The following RABGAP1L variants were observed in gnomAD, a reference collection of about 807,000 sequenced individuals.
The protein encoded by RABGAP1L is RAB GTPase activating protein 1 like.
In RABGAP1L, 63 loss-of-function variants were observed where a neutral mutation model predicts 137.7. The ratio of observed to expected loss-of-function variants is 0.46; its 90% CI spans 0.37 to 0.56. RABGAP1L has a LOEUF of 0.56. Among genes scored for constraint, RABGAP1L ranks in the 20% least tolerant of loss-of-function variants. The probability of loss-of-function intolerance (pLI) is 0.00; values close to 1 mark genes in which losing one functional copy is unlikely to be tolerated. For missense variants in RABGAP1L, 1,095 were observed against 1,244.0 expected (o/e 0.88, Z 1.80); for synonymous variants, 431 against 433.7 (o/e 0.99, Z 0.08).
At chr1:174,239,760 AAT>A (rs1256380973) in intron 4 of RABGAP1L, among the ~76,000 whole-genome samples, 1 of 152,200 alleles carries the variant, frequency 6.6e-6, no homozygotes, top group Non-Finnish European at 1.5e-5. Flanking sequence ...TGAATGAACA[AAT>A]AAGCAGACCA....
At chr1:174,717,305 G>C (rs1043381546) in intron 17 of RABGAP1L, among the ~76,000 whole-genome samples, 1 of 152,096 alleles carries the variant, frequency 6.6e-6, no homozygotes, top group African/African-American at 2.4e-5. Context: ...AGTTACTCAG[G>C]AGGCTGAGGC....
chr1:174,826,654 G>T (rs757798542), intron 19 of RABGAP1L, among the ~76,000 whole-genome samples: 1 of 152,148 alleles, frequency 6.6e-6, no homozygotes, highest in African/African-American at 2.4e-5. Context: ...TTTCCTCTGC[G>T]TGTATACCCA....
intron 19 of RABGAP1L, among the ~76,000 whole-genome samples, chr1:174,835,870 C>T (rs1316854557): frequency 6.6e-6 from 1 of 152,086 alleles, no homozygotes. Flanking sequence ...ATTCCTTATG[C>T]AGCTTTCATG....
intron 13 of RABGAP1L, among the ~76,000 whole-genome samples, chr1:174,447,897 C>T (rs1417396153): frequency 8.0e-6 from 1 of 124,464 alleles, no homozygotes; most frequent in Non-Finnish European, 1.7e-5. Context: ...ACCGCCCCCC[C>T]CCCACCCCCC....
intron 18 of RABGAP1L, among the ~76,000 whole-genome samples, chr1:174,778,017 T>G (rs1038615517): frequency 6.6e-6 from 1 of 152,044 alleles, no homozygotes; most frequent in Non-Finnish European, 1.5e-5. Context: ...CCAAATTTGA[T>G]GAAAATTTTT....
chr1:174,237,837 A>G (rs866986929), intron 4 of RABGAP1L, among the ~76,000 whole-genome samples: 1,611 of 148,784 alleles, frequency 0.011, 21 homozygotes, highest in African/African-American at 0.039. Flanking sequence ...GATTGGGGAA[A>G]TTCTCCTGGA....
intron 13 of RABGAP1L, among the ~76,000 whole-genome samples, chr1:174,608,564 G>C (rs1214969561): frequency 6.6e-6 from 1 of 152,174 alleles, no homozygotes; most frequent in Non-Finnish European, 1.5e-5. Flanking sequence ...ATTTCAGTAG[G>C]GGAAAATGTG....
chr1:174,752,870 A>G (rs1684448896), intron 18 of RABGAP1L, among the ~76,000 whole-genome samples: 1 of 152,212 alleles, frequency 6.6e-6, no homozygotes, highest in South Asian at 2.1e-4. Context: ...GTTGGATTTT[A>G]TGTCAACATA....
intron 1 of RABGAP1L, among the ~76,000 whole-genome samples, chr1:174,180,326 C>G (rs724889): frequency 6.6e-6 from 1 of 151,974 alleles, no homozygotes; most frequent in Non-Finnish European, 1.5e-5. Context: ...TCTTTACTGC[C>G]GCTTTATATG....
chr1:174,184,399 G>T (rs1476698015), intron 1 of RABGAP1L, among the ~76,000 whole-genome samples: 1 of 152,058 alleles, frequency 6.6e-6, no homozygotes, highest in Non-Finnish European at 1.5e-5. Flanking sequence ...AACTCATTTG[G>T]GTAAATACCA....
intron 13 of RABGAP1L, among the ~76,000 whole-genome samples, chr1:174,461,305 C>G (rs1037838892): frequency 2.0e-5 from 3 of 151,820 alleles, no homozygotes; most frequent in Non-Finnish European, 2.9e-5. Flanking sequence ...AAGCACTGAC[C>G]CCAGGCCTGG....
intron 13 of RABGAP1L, among the ~76,000 whole-genome samples, chr1:174,580,585 A>T (rs918524163): frequency 3.3e-5 from 5 of 152,080 alleles, no homozygotes; most frequent in African/African-American, 1.2e-4. Flanking sequence ...AACAATGAGA[A>T]CACATGGACA....
At chr1:174,944,552 T>G (rs1002079449) in intron 19 of RABGAP1L, among the ~76,000 whole-genome samples, 1 of 151,482 alleles carries the variant, frequency 6.6e-6, no homozygotes, top group African/African-American at 2.4e-5. Flanking sequence ...TGAGAGGATT[T>G]CTTGAGCCTG....
At chr1:174,393,743 A>T (rs1379597110) in intron 12 of RABGAP1L, among the ~76,000 whole-genome samples, 7 of 152,148 alleles carry the variant, frequency 4.6e-5, no homozygotes, top group Non-Finnish European at 1.0e-4. Flanking sequence ...GATGATTTTT[A>T]AAAGTAAGTG....
chr1:174,673,581 A>G (rs1677346300), intron 14 of RABGAP1L, among the ~76,000 whole-genome samples: 1 of 152,142 alleles, frequency 6.6e-6, no homozygotes, highest in Non-Finnish European at 1.5e-5. Flanking sequence ...TAAATTACAT[A>G]TTTCTCTTCT....
At chr1:174,350,189 ACC>A (rs1156878544) in intron 11 of RABGAP1L, among the ~76,000 whole-genome samples, 1,393 of 67,758 alleles carry the variant, frequency 0.021, no homozygotes, top group Middle Eastern at 0.074. Context: ...CGGGGGGCTG[ACC>A]CCCCCCCCAC....
At chr1:174,306,429 G>A (rs1290953346) in intron 11 of RABGAP1L, among the ~76,000 whole-genome samples, 1 of 152,294 alleles carries the variant, frequency 6.6e-6, no homozygotes, top group South Asian at 2.1e-4. Flanking sequence ...AGCACCTGTT[G>A]TTTCCTGACT....
At chr1:174,931,879 A>G (rs1009023499) in intron 19 of RABGAP1L, among the ~76,000 whole-genome samples, 2 of 152,018 alleles carry the variant, frequency 1.3e-5, no homozygotes, top group African/African-American at 4.8e-5. Context: ...CTTCTCTGGT[A>G]GAAGACATTG....
intron 13 of RABGAP1L, among the ~76,000 whole-genome samples, chr1:174,410,380 AATTTTTGTG>A (rs1256258993): frequency 2.6e-5 from 4 of 152,130 alleles, no homozygotes; most frequent in Non-Finnish European, 2.9e-5. Context: ...ATCTGGAGTT[AATTTTTGTG>A]TATGGTGACA....
Sources: gnomAD v4.1 joint callset for allele counts (sites outside exome capture counted in the v4.1 genomes callset) on GRCh38, gnomAD v4.1.1 for gene constraint, MANE v1.5 for transcripts, NCBI Gene and HGNC (gene_info 2026-07-23, HGNC 2026-07-21) for gene names.